SLC30A8: variants seen among roughly 807,000 people sequenced by gnomAD.
SLC30A8 encodes solute carrier family 30 member 8.
SLC30A8 carries 27 observed loss-of-function variants against 36.9 expected under a neutral mutation model. That is an observed-to-expected ratio of 0.73 (90% CI 0.54 to 1.01). SLC30A8 has a LOEUF of 1.01. Ranked by LOEUF, SLC30A8 falls within the 50% of genes least tolerant of loss-of-function variation. SLC30A8 has a pLI of 0.00. For synonymous variants in SLC30A8, 164 were observed against 172.4 expected, an observed-to-expected ratio of 0.95 and a Z score of 0.38; for missense variants, 439 against 452.0, an observed-to-expected ratio of 0.97 and a Z score of 0.26.
chr8:117,114,368 T>C (rs16889413), intron 2 of SLC30A8, among the ~76,000 whole-genome samples: 8,668 of 152,084 alleles, frequency 0.057, 658 homozygotes, highest in African/African-American at 0.17. Flanking sequence ...TCGGATTCCA[T>C]GACACAGAAT....
chr8:117,150,776 T>C (rs934167149), intron 2 of SLC30A8, among the ~76,000 whole-genome samples: 6 of 152,052 alleles, frequency 3.9e-5, no homozygotes, highest in Non-Finnish European at 8.8e-5. Context: ...CGGCTAATTT[T>C]TCATATTTTT....
At chr8:117,149,690 A>C (rs58129841) in intron 2 of SLC30A8, among the ~76,000 whole-genome samples, 3,670 of 152,326 alleles carry the variant, frequency 0.024, 152 homozygotes, top group African/African-American at 0.082. Context: ...CACACAGTTC[A>C]AACTCAAGAA....
intron 2 of SLC30A8, among the ~76,000 whole-genome samples, chr8:117,057,662 TC>T (rs1817913203): frequency 6.6e-6 from 1 of 152,170 alleles, no homozygotes; most frequent in Non-Finnish European, 1.5e-5. Flanking sequence ...AGTAATGTCC[TC>T]CAGGTTTATC....
chr8:117,014,882 A>G (rs1394800123), intron 1 of SLC30A8, among the ~76,000 whole-genome samples: 1 of 152,150 alleles, frequency 6.6e-6, no homozygotes, highest in Non-Finnish European at 1.5e-5. Context: ...GGCTGATGTC[A>G]CATGAATAAA....
At chr8:116,979,237 T>C (rs1239183358) in intron 1 of SLC30A8, among the ~76,000 whole-genome samples, 1 of 30,414 alleles carries the variant, frequency 3.3e-5, no homozygotes, top group African/African-American at 1.8e-4. Flanking sequence ...AGACCCTGTC[T>C]CAAAAAAAAA....
intron 4 of SLC30A8, 53 bp downstream of exon 4, chr8:117,157,897 T>C: frequency 6.3e-7 from 1 of 1,594,860 alleles, no homozygotes; most frequent in Non-Finnish European, 8.6e-7. Context: ...CCTGTAACTA[T>C]CTGGACAAAG....
chr8:117,056,294 G>A (rs1817868548), intron 2 of SLC30A8: 1 of 152,272 alleles, frequency 6.6e-6, no homozygotes, highest in Non-Finnish European at 1.5e-5. Context: ...CCAACATGAT[G>A]TAATCAGTGG....
At chr8:117,024,800 T>TA (rs1464884766) in intron 1 of SLC30A8, among the ~76,000 whole-genome samples, 1 of 152,204 alleles carries the variant, frequency 6.6e-6, no homozygotes, top group African/African-American at 2.4e-5. Flanking sequence ...TTGTTTTTTT[T>TA]AATTTTTTTC....
chr8:117,019,141 A>G (rs55926302), intron 1 of SLC30A8, among the ~76,000 whole-genome samples: 66,486 of 151,950 alleles, frequency 0.44, 15,269 homozygotes, highest in African/African-American at 0.57. Flanking sequence ...GATTATCACA[A>G]CAATCCCCAC....
chr8:117,175,897 T>C lies in SLC30A8; in HGVS notation c.*3216T>C, dbSNP rs1420220798. Reference sequence around the variant, plus strand: ...TACCTAGTGAGAGTGATGAATTAATTAAAATAGTCGAATCCCTTTCTGACT... The same window carrying C: ...TACCTAGTGAGAGTGATGAATTAATCAAAATAGTCGAATCCCTTTCTGACT... On this transcript the variant is annotated 3_prime_UTR_variant, in exon 8 of 8. Transcript: ENST00000456015. 6.6e-6 allele frequency: 1 copy of C among 152,064 alleles called. No homozygotes were observed. The highest frequency in any genetic ancestry group is 1.9e-4 in the East Asian group (1 of 5,174). The allele number at this position is 152,064 out of a possible 1,614,324, so 9.4% of individuals were successfully genotyped here.
chr8:116,993,705 A>G (rs892889092), intron 1 of SLC30A8, among the ~76,000 whole-genome samples: 1 of 152,104 alleles, frequency 6.6e-6, no homozygotes, highest in African/African-American at 2.4e-5. Context: ...ACAGTATCTA[A>G]AATTGAGAAC....
chr8:117,094,869 G>A (rs1819291116), intron 2 of SLC30A8, among the ~76,000 whole-genome samples: 1 of 152,214 alleles, frequency 6.6e-6, no homozygotes, highest in South Asian at 2.1e-4. Flanking sequence ...ATGCTTGTTG[G>A]CACCCAAAGT....
chr8:117,093,336 G>C (rs1819213878), intron 2 of SLC30A8, among the ~76,000 whole-genome samples: 1 of 151,524 alleles, frequency 6.6e-6, no homozygotes, highest in Non-Finnish European at 1.5e-5. Flanking sequence ...AACCAAGTAA[G>C]GTGAATGTGT....
In SLC30A8 at chr8:117,161,860, T is replaced by C. The variant is rs1251340016; in HGVS notation, c.695T>C (p.Leu232Pro). 2 of 1,613,734 alleles carry C rather than the reference T, an allele frequency of 1.2e-6. No individual in the cohort carries two copies. Among genetic ancestry groups the C allele is most frequent in the African/African-American group, 1.3e-5 (1 of 74,918 alleles). Residue 232 changes from leucine (L) to proline (P), a missense_variant, in exon 5 of 8, where the codon CTA becomes CCA. Transcript: ENST00000456015. The stretch of plus-strand genomic sequence containing the variant: ...GATCTATTTCAGAGTATCAGTGTGC[T>C]AATTAGTGCACTTATTATCTACTTT... ...LGDLFQSISV[L>P]ISALIIYFKP... is the part of the protein sequence containing the mutation.
intron 1 of SLC30A8, among the ~76,000 whole-genome samples, chr8:116,952,993 C>G (rs1032332375): frequency 6.6e-6 from 1 of 151,550 alleles, no homozygotes; most frequent in Non-Finnish European, 1.5e-5. Flanking sequence ...GAGCATAGTG[C>G]CCGGTAGTTT....
At chr8:117,033,218 A>G (rs1379098838) in intron 1 of SLC30A8, among the ~76,000 whole-genome samples, 1 of 152,252 alleles carries the variant, frequency 6.6e-6, no homozygotes, top group Non-Finnish European at 1.5e-5. Flanking sequence ...AGCACTATTC[A>G]AAGTAGCCAA....
intron 1 of SLC30A8, among the ~76,000 whole-genome samples, chr8:116,975,436 A>G (rs1814963075): frequency 6.6e-6 from 1 of 152,166 alleles, no homozygotes; most frequent in South Asian, 2.1e-4. Flanking sequence ...GTCACAGAAA[A>G]TCTTTAAAAT....
chr8:117,070,825 G>C (rs1818308094), intron 2 of SLC30A8, among the ~76,000 whole-genome samples: 1 of 152,128 alleles, frequency 6.6e-6, no homozygotes, highest in African/African-American at 2.4e-5. Context: ...ATATAAGTGA[G>C]ATCATGCAGT....
At chr8:117,066,509 T>G (rs1410867668) in intron 2 of SLC30A8, among the ~76,000 whole-genome samples, 1 of 152,172 alleles carries the variant, frequency 6.6e-6, no homozygotes, top group Non-Finnish European at 1.5e-5. Context: ...TTTTTTCTCC[T>G]GAGGAATCAT....
Sources: allele counts gnomAD v4.1 joint callset (sites outside exome capture counted in the v4.1 genomes callset), GRCh38; gene constraint gnomAD v4.1.1; transcripts MANE v1.5; gene names NCBI Gene and HGNC (gene_info 2026-07-23, HGNC 2026-07-21).